CA10: variants seen among roughly 807,000 people sequenced by gnomAD.
CA10 encodes the protein carbonic anhydrase-related protein 10.
In CA10, 14 loss-of-function variants were observed where a neutral mutation model predicts 44.2. That is an observed-to-expected ratio of 0.32 (90% confidence interval 0.21 to 0.50). The LOEUF (loss-of-function observed/expected upper bound fraction) is 0.50, where lower values mean the gene tolerates loss of function less well. CA10 is among the 20% of genes least tolerant of loss of function. The pLI is 0.99. For synonymous variants in CA10, 159 were observed against 141.6 expected (o/e 1.12, Z -0.87); for missense variants, 350 against 409.7 (o/e 0.85, Z 1.26).
intron 3 of CA10, among the ~76,000 whole-genome samples, chr17:51,894,760 T>C (rs2143916525): frequency 6.6e-6 from 1 of 152,272 alleles, no homozygotes; most frequent in Admixed American, 6.6e-5. Flanking sequence ...TTTGTGGTAC[T>C]TTGTTACAGC....
intron 3 of CA10, among the ~76,000 whole-genome samples, chr17:51,773,876 C>T (rs1045950568): frequency 2.0e-5 from 3 of 152,128 alleles, no homozygotes; most frequent in Admixed American, 6.6e-5. Flanking sequence ...CAAGTTGGCT[C>T]GGTTGCTGGT....
intron 2 of CA10, among the ~76,000 whole-genome samples, chr17:52,015,377 G>A (rs1598167266): frequency 2.0e-5 from 3 of 152,148 alleles, no homozygotes; most frequent in Admixed American, 2.0e-4. Context: ...AAAGCAAATG[G>A]AATTTGTCCC....
rs866187600 is a variant in CA10 at position 51,725,918 on chromosome 17, A to C, written c.465+21715T>G. Among the ~76,000 whole-genome samples, 10 of 152,300 alleles carry C rather than the reference A, an allele frequency of 6.6e-5. 1 individual carries two copies. In the Middle Eastern group the frequency reaches 0.014, roughly 207 times the overall value. On this transcript the variant is annotated intron_variant, in intron 4 of 8. Coordinates refer to ENST00000451037, the MANE Select transcript of CA10 (RefSeq NM_020178.5). ...GGGGGTGGGAAGACCCTCTAGGTAC[A>C]AAAAAATGTGAAGTGTAATGAGAAC... is the stretch of plus-strand genomic sequence containing the variant.
intron 4 of CA10, among the ~76,000 whole-genome samples, chr17:51,703,866 G>C (rs533103345): frequency 6.6e-6 from 1 of 152,314 alleles, no homozygotes; most frequent in African/African-American, 2.4e-5. Flanking sequence ...GTCCCGGGCT[G>C]CTTGCCATTC....
At chr17:51,996,822 A>T (rs1013546213) in intron 2 of CA10, among the ~76,000 whole-genome samples, 12 of 152,002 alleles carry the variant, frequency 7.9e-5, no homozygotes, top group Admixed American at 5.9e-4. Context: ...GAGAGCAAAA[A>T]CTTACCTTGT....
chr17:52,062,542 A>G (rs1054789246), intron 2 of CA10, among the ~76,000 whole-genome samples: 1 of 152,122 alleles, frequency 6.6e-6, no homozygotes, highest in Non-Finnish European at 1.5e-5. Flanking sequence ...GGAAAACAAA[A>G]TGGTTTCAGG....
chr17:51,889,223 TCAA>T (rs1438707401), intron 3 of CA10, among the ~76,000 whole-genome samples: 1 of 152,076 alleles, frequency 6.6e-6, no homozygotes, highest in African/African-American at 2.4e-5. Context: ...ACAGGGCTAG[TCAA>T]GAATCAAGCA....
At chr17:51,634,445 C>T (rs1912733006) in intron 7 of CA10, among the ~76,000 whole-genome samples, 2 of 152,184 alleles carry the variant, frequency 1.3e-5, no homozygotes, top group South Asian at 4.2e-4. Flanking sequence ...AGGATATTGG[C>T]TTCTGCTTCC....
intron 4 of CA10, among the ~76,000 whole-genome samples, chr17:51,679,130 C>T (rs1914735932): frequency 6.6e-6 from 1 of 152,182 alleles, no homozygotes; most frequent in Non-Finnish European, 1.5e-5. Flanking sequence ...TAAACCACAG[C>T]ATCATATGTC....
At chr17:51,823,674 C>A (rs907703920) in intron 3 of CA10, among the ~76,000 whole-genome samples, 8 of 152,186 alleles carry the variant, frequency 5.3e-5, no homozygotes, top group African/African-American at 1.9e-4. Flanking sequence ...AAGACTTGAA[C>A]ACTGTGTCTG....
At chr17:51,764,184 G>A (rs1483220421) in intron 3 of CA10, among the ~76,000 whole-genome samples, 1 of 152,166 alleles carries the variant, frequency 6.6e-6, no homozygotes, top group Non-Finnish European at 1.5e-5. Context: ...TCTCCTGACT[G>A]CTCATGCCAA....
intron 3 of CA10, among the ~76,000 whole-genome samples, chr17:51,754,843 A>G (rs1905029721): frequency 6.6e-6 from 1 of 152,186 alleles, no homozygotes; most frequent in Non-Finnish European, 1.5e-5. Flanking sequence ...CAGTTCAAAT[A>G]GCTCTTAACC....
intron 3 of CA10, among the ~76,000 whole-genome samples, chr17:51,789,063 G>A (rs1305029082): frequency 6.6e-6 from 1 of 152,098 alleles, no homozygotes; most frequent in Non-Finnish European, 1.5e-5. Context: ...AGGCTGGAGT[G>A]CAGTGGCGCG....
chr17:52,146,456 T>C (rs2938136), intron 1 of CA10, among the ~76,000 whole-genome samples: 148,883 of 152,038 alleles, frequency 0.98, 72,920 homozygotes, highest in East Asian at 1. Flanking sequence ...TTTGGGAGGC[T>C]GAGGCGGGCG....
intron 2 of CA10, among the ~76,000 whole-genome samples, chr17:51,975,730 G>C (rs1436485822): frequency 6.6e-6 from 1 of 151,946 alleles, no homozygotes; most frequent in Non-Finnish European, 1.5e-5. Flanking sequence ...GGGTGTGGTG[G>C]GGTATGCCCA....
chr17:51,824,451 TTAAAA>T (rs1270398272), intron 3 of CA10, among the ~76,000 whole-genome samples: 12 of 152,344 alleles, frequency 7.9e-5, no homozygotes, highest in African/African-American at 2.6e-4. Flanking sequence ...TGTAATGTAC[TTAAAA>T]TAAATAACTT....
intron 3 of CA10, 37 bp downstream of exon 3, chr17:51,930,953 T>C: frequency 1.2e-6 from 2 of 1,610,160 alleles, no homozygotes; most frequent in Non-Finnish European, 1.7e-6. Context: ...GATGGCCCCA[T>C]CTTCAACTTT....
chr17:52,134,988 GGTT>G (rs1486634611), intron 1 of CA10: 1 of 518,832 alleles, frequency 1.9e-6, no homozygotes, highest in Non-Finnish European at 3.8e-6. Context: ...ACCTTCAACA[GGTT>G]ACCTGCATCT....
At chr17:51,790,858 C>T (rs912156744) in intron 3 of CA10, among the ~76,000 whole-genome samples, 1 of 152,204 alleles carries the variant, frequency 6.6e-6, no homozygotes, top group African/African-American at 2.4e-5. Flanking sequence ...TTTTGCAGTA[C>T]ATCACCACCT....
Sources: gnomAD v4.1 joint callset for allele counts (sites outside exome capture counted in the v4.1 genomes callset) on GRCh38, gnomAD v4.1.1 for gene constraint, MANE v1.5 for transcripts, NCBI Gene and HGNC (gene_info 2026-07-23, HGNC 2026-07-21) for gene names.